Variants in SPATA6 observed in about 807,000 individuals in gnomAD.
SPATA6 encodes spermatogenesis-associated protein 6.
A neutral mutation model predicts 65.3 loss-of-function variants in SPATA6; 56 were observed. The observed-to-expected ratio is 0.86, with a 90% CI of 0.69 to 1.07. The LOEUF is 1.07. SPATA6 is among the 50% of genes least tolerant of loss of function. SPATA6 has a pLI of 0.00. For missense variants in SPATA6, 590 were observed against 594.8 expected (o/e 0.99, Z 0.08); for synonymous variants, 199 against 213.2 (o/e 0.93, Z 0.58).
At chr1:48,465,498 A>C (rs1275055627) in intron 1 of SPATA6, among the ~76,000 whole-genome samples, 1 of 152,204 alleles carries the variant, frequency 6.6e-6, no homozygotes, top group Non-Finnish European at 1.5e-5. Flanking sequence ...TATAAGACCC[A>C]AAATCATCCT....
chr1:48,355,865 C>T, intron 10 of SPATA6, 96 bp from the exon 11 acceptor site: 2 of 915,282 alleles, frequency 2.2e-6, no homozygotes, highest in Non-Finnish European at 3.4e-6. Flanking sequence ...AACAAATAGT[C>T]TTAATAAAGG....
intron 8 of SPATA6, among the ~76,000 whole-genome samples, chr1:48,386,949 G>A (rs1209789501): frequency 6.6e-6 from 1 of 152,228 alleles, no homozygotes; most frequent in Non-Finnish European, 1.5e-5. Flanking sequence ...ATGTAGGGCT[G>A]TATTAGTCCA....
At chr1:48,291,378 A>G (rs1247493087), downstream of SPATA6, among the ~76,000 whole-genome samples, 2 of 150,946 alleles carry the variant, frequency 1.3e-5, no homozygotes, top group African/African-American at 4.9e-5. Flanking sequence ...CTGAGTTCAG[A>G]CTCTCCTCGG....
intron 8 of SPATA6, among the ~76,000 whole-genome samples, chr1:48,391,604 T>C (rs1650079592): frequency 6.6e-6 from 1 of 152,138 alleles, no homozygotes; most frequent in Non-Finnish European, 1.5e-5. Flanking sequence ...TTCCCAATGT[T>C]CATATTTAAT....
chr1:48,287,144 T>A, the SPATA6 span, among the ~76,000 whole-genome samples: 1 of 151,830 alleles, frequency 6.6e-6, no homozygotes, highest in African/African-American at 2.4e-5. Flanking sequence ...CTTCCAATCA[T>A]GCCAGAAGGC....
intron 9 of SPATA6, among the ~76,000 whole-genome samples, chr1:48,363,722 C>A (rs543877974): frequency 6.6e-6 from 1 of 151,616 alleles, no homozygotes; most frequent in East Asian, 1.9e-4. Context: ...TATTTTTAAA[C>A]TAATCTGAAA....
At chr1:48,364,135 C>T (rs1646915095) in intron 9 of SPATA6, among the ~76,000 whole-genome samples, 1 of 152,142 alleles carries the variant, frequency 6.6e-6, no homozygotes, top group African/African-American at 2.4e-5. Flanking sequence ...ATGAACTCAT[C>T]ATTTTTTATG....
intron 9 of SPATA6, among the ~76,000 whole-genome samples, chr1:48,363,910 C>T (rs1488340208): frequency 6.6e-6 from 1 of 151,970 alleles, no homozygotes; most frequent in African/African-American, 2.4e-5. Flanking sequence ...ATTAACTCAT[C>T]ATTTAGCATT....
chr1:48,388,981 G>T (rs564522302), intron 8 of SPATA6, among the ~76,000 whole-genome samples: 2 of 152,184 alleles, frequency 1.3e-5, no homozygotes, highest in Non-Finnish European at 1.5e-5. Flanking sequence ...TGTCTCCTGG[G>T]TTCAAGCAGC....
At chr1:48,374,167 T>C (rs1647620429) in intron 9 of SPATA6, among the ~76,000 whole-genome samples, 2 of 152,122 alleles carry the variant, frequency 1.3e-5, no homozygotes, top group Admixed American at 1.3e-4. Context: ...GAGACAAATA[T>C]TATGAAAGGC....
At chr1:48,420,189 A>T (rs548526856) in intron 3 of SPATA6, among the ~76,000 whole-genome samples, 1 of 152,262 alleles carries the variant, frequency 6.6e-6, no homozygotes, top group African/African-American at 2.4e-5. Context: ...CTGAATAGCT[A>T]GCATGTGGAG....
intron 8 of SPATA6, among the ~76,000 whole-genome samples, chr1:48,394,742 A>C (rs1477931641): frequency 6.6e-6 from 1 of 151,924 alleles, no homozygotes; most frequent in Admixed American, 6.6e-5. Context: ...GCTGCTAGGG[A>C]ATACTTGTTG....
chr1:48,299,020 AAC>A (rs1356787250), intron 12 of SPATA6, 127 bp from the exon 13 acceptor site: 2 of 914,170 alleles, frequency 2.2e-6, no homozygotes, highest in Non-Finnish European at 3.1e-6. Flanking sequence ...TGAAAAATAA[AAC>A]AGAGTAAGGC....
chr1:48,346,428 C>CCTCT (rs1348455130), intron 11 of SPATA6, among the ~76,000 whole-genome samples: 1 of 152,042 alleles, frequency 6.6e-6, no homozygotes, highest in Non-Finnish European at 1.5e-5. Context: ...GACAAGATGA[C>CCTCT]CTCTCTCATC....
At chr1:48,285,057 C>T in the SPATA6 span, among the ~76,000 whole-genome samples, 1 of 152,132 alleles carries the variant, frequency 6.6e-6, no homozygotes, top group Non-Finnish European at 1.5e-5. Context: ...GTGCTCTGTC[C>T]CAGGGAGATG....
intron 1 of SPATA6, among the ~76,000 whole-genome samples, chr1:48,470,895 CTGAG>C (rs1658187395): frequency 6.6e-6 from 1 of 152,084 alleles, no homozygotes; most frequent in Non-Finnish European, 1.5e-5. Flanking sequence ...AGAAGACTTA[CTGAG>C]TAAGAAGGAG....
intron 3 of SPATA6, chr1:48,437,266 C>T (rs189628416): frequency 6.3e-7 from 1 of 1,590,444 alleles, no homozygotes; most frequent in Admixed American, 1.8e-5. Flanking sequence ...GACACTTTCT[C>T]CTTGCTGCTT....
At chr1:48,405,481 A>G (rs1400027456) in intron 5 of SPATA6, among the ~76,000 whole-genome samples, 1 of 152,204 alleles carries the variant, frequency 6.6e-6, no homozygotes, top group Non-Finnish European at 1.5e-5. Context: ...GTCAACTGAA[A>G]ACTTGACTGG....
chr1:48,455,529 C>T (rs571119504), intron 1 of SPATA6, among the ~76,000 whole-genome samples: 12 of 151,976 alleles, frequency 7.9e-5, no homozygotes, highest in South Asian at 2.1e-4. Flanking sequence ...TACAGGCACC[C>T]GCCACCACAC....
Sources: allele counts gnomAD v4.1 joint callset (sites outside exome capture counted in the v4.1 genomes callset), GRCh38; gene constraint gnomAD v4.1.1; transcripts MANE v1.5; gene names NCBI Gene and HGNC (gene_info 2026-07-23, HGNC 2026-07-21).